Variants in MGST2 observed in about 807,000 individuals in gnomAD.
The protein encoded by MGST2 is glutathione peroxidase MGST2.
In MGST2, 9 loss-of-function variants were observed where a neutral mutation model predicts 16.6. The observed-to-expected ratio is 0.54, with a 90% CI of 0.33 to 0.95. The LOEUF (loss-of-function observed/expected upper bound fraction) is 0.95. MGST2 is among the 40% of genes least tolerant of loss of function. The pLI is 0.03. For missense variants in MGST2, 159 were observed against 175.1 expected (o/e 0.91, Z 0.52); for synonymous variants, 79 against 68.0 (o/e 1.16, Z -0.79).
intron 5 of MGST2, chr4:139,717,178 A>G (rs865870644): frequency 1.3e-5 from 2 of 152,586 alleles, no homozygotes; most frequent in African/African-American, 4.8e-5. Context: ...CCAAAACAAA[A>G]CCACCATATT....
chr4:139,719,963 G>T, intron 5 of MGST2: 1 of 1,614,100 alleles, frequency 6.2e-7, no homozygotes, highest in Non-Finnish European at 8.5e-7. Context: ...ATGTTGCTGG[G>T]TAATGGCTGA....
chr4:139,750,782 C>T, the MGST2 span, among the ~76,000 whole-genome samples: 1 of 152,208 alleles, frequency 6.6e-6, no homozygotes, highest in Non-Finnish European at 1.5e-5. Flanking sequence ...GATAGATTTT[C>T]ATCCTAGCAT....
At chr4:139,678,396 T>C (rs1560738733) in intron 1 of MGST2, 147 bp from the exon 2 acceptor site, 1 of 713,538 alleles carries the variant, frequency 1.4e-6, no homozygotes. Flanking sequence ...TATCCTCTCC[T>C]GTCTTTTTTA....
In MGST2 at chr4:139,671,128, T is replaced by C. The variant is rs112665253; in HGVS notation, c.58+5051T>C. 9.9e-4 allele frequency among the ~76,000 whole-genome samples: 151 copies of C among 152,262 alleles called. 1 individual carries two copies. The highest frequency in any genetic ancestry group is 3.6e-3 in the African/African-American group (148 of 41,548). The stretch of plus-strand genomic sequence containing the variant: ...AGTCTTATGATCCCCATTTTAACCT[T>C]AATCCTGGGCAGTTGTGCCTAAACT... On this transcript the variant is annotated intron_variant, in intron 1 of 4. Coordinates refer to ENST00000265498, the MANE Select transcript of MGST2 (RefSeq NM_002413.5).
Position 139,665,919 on chromosome 4 carries a change from C to A in MGST2, c.-101C>A. ...GCTTGAATCAGCCTTTTCCCCCCACCCGGTCCCCAACTTTGTTTACCCGAT... is the reference window on the plus strand; with the variant it reads ...GCTTGAATCAGCCTTTTCCCCCCACACGGTCCCCAACTTTGTTTACCCGAT... On this transcript the variant is annotated 5_prime_UTR_variant, in exon 1 of 5. Coordinates refer to ENST00000265498, the MANE Select transcript of MGST2 (RefSeq NM_002413.5). 2.5e-6 allele frequency: 3 copies of A among 1,208,680 alleles called. No homozygotes were observed. Among genetic ancestry groups the A allele is most frequent in the African/African-American group, 1.5e-5 (1 of 67,438 alleles). The allele number at this position is 1,208,680 out of a possible 1,614,324, so 74.9% of individuals were successfully genotyped here.
chr4:139,740,422 G>A (rs903469736), exon 6 of MGST2: 6 of 152,122 alleles, frequency 3.9e-5, no homozygotes, highest in Non-Finnish European at 1.5e-5. Context: ...GACTGAAAGT[G>A]GTTTGTCAGC....
intron 1 of MGST2, among the ~76,000 whole-genome samples, chr4:139,670,635 C>T (rs558603307): frequency 6.6e-6 from 1 of 152,164 alleles, no homozygotes; most frequent in Admixed American, 6.5e-5. Context: ...AAGGGGTGGC[C>T]AGGTGTGGTG....
chr4:139,690,293 T>C (rs1726500847), intron 2 of MGST2, among the ~76,000 whole-genome samples: 1 of 151,874 alleles, frequency 6.6e-6, no homozygotes, highest in Non-Finnish European at 1.5e-5. Context: ...CTCCTGGCCT[T>C]AAATTTTTTT....
chr4:139,732,583 T>A (rs1190854050), intron 5 of MGST2, among the ~76,000 whole-genome samples: 1 of 152,166 alleles, frequency 6.6e-6, no homozygotes, highest in African/African-American at 2.4e-5. Flanking sequence ...GCTATTTTTT[T>A]TTTTTTTGTA....
intron 5 of MGST2, among the ~76,000 whole-genome samples, chr4:139,716,125 C>A (rs915630446): frequency 2.0e-5 from 3 of 152,152 alleles, no homozygotes; most frequent in Non-Finnish European, 4.4e-5. Context: ...AGCTCTGGAG[C>A]AAAATTATAT....
intron 3 of MGST2, among the ~76,000 whole-genome samples, chr4:139,702,258 C>T (rs1331626933): frequency 1.3e-5 from 2 of 152,182 alleles, no homozygotes; most frequent in Admixed American, 6.5e-5. Flanking sequence ...GAGAAGTACA[C>T]ACACCTGTGT....
At chr4:139,666,740 G>A (rs529080331) in intron 1 of MGST2, among the ~76,000 whole-genome samples, 1 of 152,278 alleles carries the variant, frequency 6.6e-6, no homozygotes, top group East Asian at 1.9e-4. Flanking sequence ...TGGGGAAAGG[G>A]GTCCGAGTGC....
rs149009166 is a variant in MGST2, at chr4:139,680,755, T to G, written c.158+2113T>G. Among the ~76,000 whole-genome samples the G allele has an allele frequency of 2.0e-4, 30 of 152,334 alleles. No individual in the cohort carries two copies. The East Asian group carries it at 5.6e-3, about 28-fold the overall frequency. ...TTAAGGGATGGCTTGTTTAAATGCA[T>G]TTCTGTATTAGAAATCCTTACCCTT... On this transcript the variant is annotated intron_variant, in intron 2 of 4. Coordinates refer to ENST00000265498, the MANE Select transcript of MGST2 (RefSeq NM_002413.5).
chr4:139,720,393 A>G, intron 5 of MGST2: 1 of 1,402,496 alleles, frequency 7.1e-7, no homozygotes, highest in Non-Finnish European at 9.4e-7. Flanking sequence ...AAGATGTTGG[A>G]ATTTTCTTTG....
chr4:139,704,406 C>T (rs936486907), downstream of MGST2, among the ~76,000 whole-genome samples: 1 of 151,968 alleles, frequency 6.6e-6, no homozygotes, highest in Non-Finnish European at 1.5e-5. Flanking sequence ...TGTAGGGACA[C>T]AGCAGCCTGA....
At chr4:139,702,487 C>G (rs111399504) in intron 3 of MGST2, among the ~76,000 whole-genome samples, 115 of 152,132 alleles carry the variant, frequency 7.6e-4, no homozygotes, top group Non-Finnish European at 1.3e-3. Flanking sequence ...TTGCATAGAT[C>G]TGTTTTTTTT....
intron 5 of MGST2, among the ~76,000 whole-genome samples, chr4:139,711,553 T>G (rs1033073910): frequency 6.6e-6 from 1 of 152,160 alleles, no homozygotes; most frequent in African/African-American, 2.4e-5. Flanking sequence ...CTCATGGCAC[T>G]GGTGGGAGTG....
chr4:139,734,604 G>A (rs537539164), intron 5 of MGST2, among the ~76,000 whole-genome samples: 32 of 152,324 alleles, frequency 2.1e-4, no homozygotes, highest in Non-Finnish European at 2.4e-4. Context: ...ATTTTCTAAA[G>A]GCTAGAGTGA....
intron 5 of MGST2, chr4:139,719,751 G>A (rs1728153443): frequency 2.5e-6 from 4 of 1,613,634 alleles, no homozygotes; most frequent in Admixed American, 3.3e-5. Context: ...TGCTTGGTCA[G>A]TCTCGGCTGC....
Sources: gnomAD v4.1 joint callset for allele counts (sites outside exome capture counted in the v4.1 genomes callset) on GRCh38, gnomAD v4.1.1 for gene constraint, MANE v1.5 for transcripts, NCBI Gene and HGNC (gene_info 2026-07-23, HGNC 2026-07-21) for gene names.